The following ZNF100 variants were observed in gnomAD, a reference collection of about 807,000 sequenced individuals.
ZNF100 encodes the protein zinc finger protein 100 (Y1).
ZNF100 carries 12 observed loss-of-function variants against 15.8 expected under a neutral mutation model. The ratio of observed to expected loss-of-function variants is 0.76; its 90% CI spans 0.49 to 1.23. The LOEUF is 1.23. ZNF100 is among the 50% of genes most tolerant of loss of function. ZNF100 has a pLI of 0.00. For synonymous variants in ZNF100, 226 were observed against 214.8 expected (o/e 1.05, Z -0.45); for missense variants, 670 against 635.6 (o/e 1.05, Z -0.58).
At chr19:21,763,588 C>CG (rs112074338) in intron 2 of ZNF100, among the ~76,000 whole-genome samples, 6,123 of 152,022 alleles carry the variant, frequency 0.04, 311 homozygotes, top group African/African-American at 0.11. Flanking sequence ...GACTCCATCC[C>CG]GGGGGGAAAA....
intron 4 of ZNF100, among the ~76,000 whole-genome samples, chr19:21,730,700 A>G (rs1296766091): frequency 3.3e-5 from 5 of 152,198 alleles, no homozygotes; most frequent in Non-Finnish European, 5.9e-5. Flanking sequence ...CGGGATACAC[A>G]TGCTTCTCAA....
chr19:21,751,120 A>T (rs1044089567), intron 2 of ZNF100: 1 of 1,427,126 alleles, frequency 7.0e-7, no homozygotes, highest in Non-Finnish European at 9.9e-7. Context: ...AAGTTTCCTG[A>T]GCAAATCTCA....
At chr19:21,744,777 T>A (rs1369000878) in intron 3 of ZNF100, among the ~76,000 whole-genome samples, 164 bp downstream of exon 3, 2 of 152,138 alleles carry the variant, frequency 1.3e-5, no homozygotes, top group Non-Finnish European at 2.9e-5. Context: ...CAGGTCAAGA[T>A]GAAACATCTT....
In ZNF100 at chr19:21,744,032, C is replaced by T. The variant is rs977094543; in HGVS notation, c.307G>A (p.Val103Ile). The T allele has an allele frequency of 6.2e-7, 1 of 1,612,334 alleles. No individual in the cohort carries two copies. Among genetic ancestry groups the T allele is most frequent in the Non-Finnish European group, 8.5e-7 (1 of 1,179,378 alleles). Reference sequence around the variant, plus strand: ...TCTCACCTACCTGGGGGTTTGGCTACCATCTCATGTCTCTTTATATTCCAG... The same window carrying T: ...TCTCACCTACCTGGGGGTTTGGCTATCATCTCATGTCTCTTTATATTCCAG... ...EPWNIKRHEM[V>I]AKPPVICSHF... Residue 103 changes from valine to isoleucine, a missense_variant, in exon 4 of 5, where the codon GTA becomes ATA. Physicochemically the swap from Val to Ile is conservative, Grantham distance 29. Transcript: ENST00000358296.
At chr19:21,756,355 A>G (rs1334504601) in intron 2 of ZNF100, among the ~76,000 whole-genome samples, 1 of 152,200 alleles carries the variant, frequency 6.6e-6, no homozygotes, top group African/African-American at 2.4e-5. Flanking sequence ...GAATTGGTAC[A>G]GTCTCAGCAG....
At chr19:21,758,033 T>TA (rs879575684) in intron 2 of ZNF100, among the ~76,000 whole-genome samples, 13 of 150,946 alleles carry the variant, frequency 8.6e-5, no homozygotes, top group South Asian at 6.4e-4. Context: ...GACACTGTCT[T>TA]AAAAAAAAAT....
intron 2 of ZNF100, chr19:21,753,439 T>G (rs992964542): frequency 1.3e-5 from 2 of 151,812 alleles, no homozygotes; most frequent in Non-Finnish European, 2.9e-5. Context: ...AATAATTAGC[T>G]GGATATGGTG....
intron 4 of ZNF100, among the ~76,000 whole-genome samples, chr19:21,734,819 T>A (rs1167546789): frequency 1.3e-5 from 2 of 152,076 alleles, no homozygotes; most frequent in Non-Finnish European, 2.9e-5. Flanking sequence ...GAAGGCCAGG[T>A]CACCCAGAAA....
intron 4 of ZNF100, 150 bp from the exon 5 acceptor site, chr19:21,728,139 A>G: frequency 1.2e-6 from 1 of 825,810 alleles, no homozygotes; most frequent in Non-Finnish European, 1.7e-6. Context: ...TGTAAAAAAA[A>G]AAAAACCAAC....
chr19:21,749,334 A>G (rs2036264845), intron 2 of ZNF100, among the ~76,000 whole-genome samples: 1 of 151,758 alleles, frequency 6.6e-6, no homozygotes. Flanking sequence ...TTACACCGAG[A>G]CAGAAGCAGA....
chr19:21,740,904 C>T (rs1763748513), intron 4 of ZNF100, among the ~76,000 whole-genome samples: 1 of 151,986 alleles, frequency 6.6e-6, no homozygotes, highest in Non-Finnish European at 1.5e-5. Context: ...TACAGCAACT[C>T]CATTAATGAA....
intron 4 of ZNF100, among the ~76,000 whole-genome samples, chr19:21,738,310 C>T (rs1458925626): frequency 2.2e-4 from 21 of 96,164 alleles, no homozygotes; most frequent in African/African-American, 6.8e-4. Flanking sequence ...AATGAGAAAA[C>T]TATTTTAAAA....
chr19:21,758,278 TGGA>T (rs1410412624), intron 2 of ZNF100, among the ~76,000 whole-genome samples: 6 of 151,992 alleles, frequency 3.9e-5, no homozygotes, highest in African/African-American at 1.5e-4. Flanking sequence ...TAGCTGAGAA[TGGA>T]GGATGAAAGG....
chr19:21,756,825 C>T (rs762180744), intron 2 of ZNF100, among the ~76,000 whole-genome samples: 3 of 152,146 alleles, frequency 2.0e-5, no homozygotes, highest in South Asian at 2.1e-4. Flanking sequence ...ATTACATTAA[C>T]CCTCTTCAAA....
intron 1 of ZNF100, 86 bp downstream of exon 1, chr19:21,767,341 A>G (rs572710896): frequency 4.5e-4 from 719 of 1,605,088 alleles, no homozygotes; most frequent in Admixed American, 6.7e-4. Context: ...GACTGCGGAG[A>G]GGCCTGAGTC....
At chr19:21,740,276 A>C (rs147628952) in intron 4 of ZNF100, among the ~76,000 whole-genome samples, 231 of 152,370 alleles carry the variant, frequency 1.5e-3, no homozygotes, top group Admixed American at 3.1e-3. Flanking sequence ...AACACTGATA[A>C]AGTTGGATCA....
Position 21,727,003 on chromosome 19 carries a change from C to T in ZNF100, c.1309G>A (p.Ala437Thr), listed in dbSNP as rs2035805553. The T allele has an allele frequency of 4.3e-6, 7 of 1,613,836 alleles. No individual in the cohort carries two copies. Among genetic ancestry groups the T allele is most frequent in the Non-Finnish European group, 5.9e-6 (7 of 1,179,912 alleles). ...GTAAGGTTTGAGGACTCATTAAAAG[C>T]TTTGCCACATTCTTCACATTTGTAG... ...KPYKCEECGKAFNESSNLTTH... is the reference protein window; with the variant it reads ...KPYKCEECGKTFNESSNLTTH... The change falls in exon 5 of 5, where the codon GCT becomes ACT. Residue 437 changes from alanine to threonine, a missense_variant. Ala to Thr is a moderately conservative substitution (Grantham distance 58, BLOSUM62 0). Transcript: ENST00000358296.
At chr19:21,730,034 CAGAG>C (rs533273203) in intron 4 of ZNF100, among the ~76,000 whole-genome samples, 97 of 150,148 alleles carry the variant, frequency 6.5e-4, no homozygotes, top group African/African-American at 2.2e-3. Context: ...GATACAAAGA[CAGAG>C]AGAAAATGAG....
intron 2 of ZNF100, among the ~76,000 whole-genome samples, chr19:21,747,859 T>C (rs868616356): frequency 1.3e-5 from 2 of 152,244 alleles, no homozygotes; most frequent in African/African-American, 2.4e-5. Context: ...TAACATATTA[T>C]GTGATTTAAT....
Sources: gnomAD v4.1 joint callset for allele counts (sites outside exome capture counted in the v4.1 genomes callset) on GRCh38, gnomAD v4.1.1 for gene constraint, MANE v1.5 for transcripts, NCBI Gene and HGNC (gene_info 2026-07-23, HGNC 2026-07-21) for gene names.